The following SMURF2 variants were observed in gnomAD, a reference collection of about 807,000 sequenced individuals.
SMURF2 encodes SMAD specific E3 ubiquitin protein ligase 2, also known as E3 ubiquitin-protein ligase SMURF2.
SMURF2 carries 48 observed loss-of-function variants against 109.6 expected under a neutral mutation model. The ratio of observed to expected loss-of-function variants is 0.44; its 90% CI spans 0.35 to 0.56. The LOEUF (loss-of-function observed/expected upper bound fraction) is 0.56. Among genes scored for constraint, SMURF2 ranks in the 20% least tolerant of loss-of-function variants. The pLI, the probability that SMURF2 is intolerant of heterozygous loss-of-function variation, is 0.01. For missense variants in SMURF2, 575 were observed against 909.0 expected, an observed-to-expected ratio of 0.63 and a Z score of 4.72; for synonymous variants, 288 against 317.1, an observed-to-expected ratio of 0.91 and a Z score of 0.97.
intron 1 of SMURF2, among the ~76,000 whole-genome samples, chr17:64,640,964 C>T (rs1433718694): frequency 9.9e-5 from 15 of 151,288 alleles, no homozygotes; most frequent in African/African-American, 3.6e-4. Flanking sequence ...AATGCAGACC[C>T]TATAGGGAAG....
intron 1 of SMURF2, among the ~76,000 whole-genome samples, chr17:64,643,544 C>G (rs1339540109): frequency 6.6e-6 from 1 of 152,112 alleles, no homozygotes; most frequent in Admixed American, 6.5e-5. Context: ...GAAGCAACAA[C>G]CAGGGTCTCT....
intron 5 of SMURF2, among the ~76,000 whole-genome samples, chr17:64,588,652 C>T (rs1454221574): frequency 1.3e-5 from 2 of 151,826 alleles, no homozygotes; most frequent in African/African-American, 2.4e-5. Flanking sequence ...TGGAGTCTCA[C>T]TCTGTTGCCC....
chr17:64,637,281 C>T (rs910205924), intron 1 of SMURF2, among the ~76,000 whole-genome samples: 10 of 151,936 alleles, frequency 6.6e-5, no homozygotes, highest in African/African-American at 2.4e-4. Flanking sequence ...TGCCTGCCAC[C>T]ATTCCTGGCT....
At chr17:64,554,236 T>A (rs1555683841) in intron 15 of SMURF2, among the ~76,000 whole-genome samples, 1 of 152,128 alleles carries the variant, frequency 6.6e-6, no homozygotes, top group East Asian at 1.9e-4. Context: ...TTTGTACAGC[T>A]CCTCCTCCAT....
intron 10 of SMURF2, among the ~76,000 whole-genome samples, chr17:64,566,025 T>C (rs557947493): frequency 8.5e-5 from 13 of 152,142 alleles, no homozygotes; most frequent in Admixed American, 3.9e-4. Flanking sequence ...AAAACCATAA[T>C]AGATGTACCA....
At position 64,546,303 on chromosome 17, in the gene SMURF2, T is replaced by C; in HGVS notation, c.2107A>G (p.Ile703Val). ...GGCAGGTTGTTAGTGCAGGCATCAATCTGGTGTATGGTAAAGAGTCTCGGG... is the reference window on the plus strand; with the variant it reads ...GGCAGGTTGTTAGTGCAGGCATCAACCTGGTGTATGGTAAAGAGTCTCGGG... Reference protein sequence around the residue: ...AGPRLFTIHQIDACTNNLPKA... With the variant: ...AGPRLFTIHQVDACTNNLPKA... Residue 703 changes from isoleucine (I) to valine (V), a missense_variant, in exon 18 of 19, where the codon ATT becomes GTT. Ile to Val is a conservative substitution (Grantham distance 29). Coordinates refer to ENST00000262435, the MANE Select transcript of SMURF2 (RefSeq NM_022739.4). 3.1e-6 allele frequency: 5 copies of C among 1,614,034 alleles called. No homozygotes were observed. The highest frequency in any genetic ancestry group is 4.2e-6 in the Non-Finnish European group (5 of 1,179,934).
rs542350775 is a variant in SMURF2 at position 64,652,127 on chromosome 17, GAA to G, written c.52+9700_52+9701del. 1.4e-4 allele frequency among the ~76,000 whole-genome samples: 22 copies of G among 152,254 alleles called. No homozygotes were observed. In the South Asian group the frequency reaches 4.6e-3, roughly 32 times the overall value. On this transcript the variant is annotated intron_variant, in intron 1 of 18. Transcript: ENST00000262435. ...CTCTTTCATCACATCAGTAAGAGAT[GAA>G]AAAGACTAATAATTTTAAAATGTAA...
intron 10 of SMURF2, among the ~76,000 whole-genome samples, chr17:64,569,435 A>G (rs1969366605): frequency 2.0e-5 from 3 of 152,196 alleles, no homozygotes; most frequent in Admixed American, 6.5e-5. Context: ...ACATTAGAAA[A>G]ATAGGCAAAA....
At chr17:64,606,765 T>C (rs187597867) in intron 1 of SMURF2, 125 bp from the exon 2 acceptor site, 6 of 636,528 alleles carry the variant, frequency 9.4e-6, no homozygotes, top group Non-Finnish European at 1.5e-5. Context: ...GTATGAAACA[T>C]GACCACAAAC....
At chr17:64,648,313 T>A (rs970115891) in intron 1 of SMURF2, among the ~76,000 whole-genome samples, 1 of 152,140 alleles carries the variant, frequency 6.6e-6, no homozygotes, top group African/African-American at 2.4e-5. Context: ...GTTCTATCCA[T>A]CAAGTCAAAT....
intron 1 of SMURF2, among the ~76,000 whole-genome samples, chr17:64,609,364 T>C (rs1970012236): frequency 6.6e-6 from 1 of 152,116 alleles, no homozygotes; most frequent in Non-Finnish European, 1.5e-5. Context: ...CTACCTGACT[T>C]CAAACTATAC....
chr17:64,617,542 G>A (rs139840532), intron 1 of SMURF2, among the ~76,000 whole-genome samples: 20 of 152,112 alleles, frequency 1.3e-4, no homozygotes, highest in African/African-American at 4.1e-4. Context: ...ATGGAGTGGC[G>A]CAAACACGAC....
chr17:64,654,744 G>A (rs185156417), intron 1 of SMURF2, among the ~76,000 whole-genome samples: 17 of 152,270 alleles, frequency 1.1e-4, no homozygotes, highest in Admixed American at 2.6e-4. Flanking sequence ...CAGGAGAATC[G>A]CTTGAACCCA....
intron 1 of SMURF2, among the ~76,000 whole-genome samples, chr17:64,631,284 GAGAGAGAGAGA>G: frequency 4.1e-5 from 1 of 24,400 alleles, no homozygotes; most frequent in South Asian, 1.4e-3. Flanking sequence ...GGGGGGGGGA[GAGAGAGAGAGA>G]GAGAGAGAGA....
In SMURF2 at chr17:64,544,618, C is replaced by T. The variant is rs1555682919; in HGVS notation, c.*1230G>A. 2 of 152,104 alleles carry T rather than the reference C, an allele frequency of 1.3e-5. No homozygotes were observed. The highest frequency in any genetic ancestry group is 4.8e-5 in the African/African-American group (2 of 41,404). 9.4% of individuals were successfully genotyped at this position (152,104 alleles called of 1,614,324 possible). A position where few individuals can be genotyped will look rare whatever the true frequency, so the allele number is the denominator to read the frequency against. On this transcript the variant is annotated 3_prime_UTR_variant, in exon 19 of 19. Transcript: ENST00000262435. ...AAAATCAGATGCAGATCTTCAACACCAAGGGAAGCGGGATTCCCTTACTTC... is the reference window on the plus strand; with the variant it reads ...AAAATCAGATGCAGATCTTCAACACTAAGGGAAGCGGGATTCCCTTACTTC...
At chr17:64,647,822 G>A (rs563120595) in intron 1 of SMURF2, among the ~76,000 whole-genome samples, 68 of 152,092 alleles carry the variant, frequency 4.5e-4, no homozygotes, top group African/African-American at 1.6e-3. Flanking sequence ...CAGGGAGGCT[G>A]AGGTGAGAGG....
At chr17:64,566,641 C>T (rs145848026) in intron 10 of SMURF2, among the ~76,000 whole-genome samples, 5 of 125,178 alleles carry the variant, frequency 4.0e-5, no homozygotes, top group Non-Finnish European at 6.4e-5. Context: ...GCGCAATCTC[C>T]GCTCACTGCA....
chr17:64,650,123 C>T lies in SMURF2; in HGVS notation c.52+11706G>A, dbSNP rs189248457. 2.7e-3 allele frequency among the ~76,000 whole-genome samples: 414 copies of T among 151,478 alleles called. 2 individuals are homozygous for T. The highest frequency in any genetic ancestry group is 1.5e-3 in the Non-Finnish European group (102 of 67,910). ...ATCCGTGGTCAAAAATGACAAAGTACGTTTACAAAAAACTTTACACCTTGA... is the reference window on the plus strand; with the variant it reads ...ATCCGTGGTCAAAAATGACAAAGTATGTTTACAAAAAACTTTACACCTTGA... On this transcript the variant is annotated intron_variant, in intron 1 of 18. Coordinates refer to ENST00000262435, the MANE Select transcript of SMURF2 (RefSeq NM_022739.4).
intron 10 of SMURF2, among the ~76,000 whole-genome samples, chr17:64,564,561 T>C (rs1969274317): frequency 6.6e-6 from 1 of 152,164 alleles, no homozygotes; most frequent in African/African-American, 2.4e-5. Flanking sequence ...TGGATTAGGA[T>C]GGCCTTAAAT....
Sources: gnomAD v4.1 joint callset for allele counts (sites outside exome capture counted in the v4.1 genomes callset) on GRCh38, gnomAD v4.1.1 for gene constraint, MANE v1.5 for transcripts, NCBI Gene and HGNC (gene_info 2026-07-23, HGNC 2026-07-21) for gene names.